The following PCDH7 variants were observed in gnomAD, a reference collection of about 807,000 sequenced individuals.
PCDH7 encodes protocadherin 7.
A neutral mutation model predicts 58.9 loss-of-function variants in PCDH7; 17 were observed. That is an observed-to-expected ratio of 0.29 (90% CI 0.20 to 0.43). PCDH7 has a LOEUF of 0.43. Ranked by LOEUF, PCDH7 falls within the 20% of genes least tolerant of loss-of-function variation. The pLI is 1.00. For missense variants in PCDH7, 1,274 were observed against 1,441.0 expected, an observed-to-expected ratio of 0.88 and a Z score of 1.88; for synonymous variants, 664 against 616.4, an observed-to-expected ratio of 1.08 and a Z score of -1.14.
chr4:30,900,055 A>G (rs1740015253), intron 1 of PCDH7, among the ~76,000 whole-genome samples: 1 of 152,188 alleles, frequency 6.6e-6, no homozygotes, highest in Non-Finnish European at 1.5e-5. Context: ...GTTTGGCTAA[A>G]GGACTTCTGA....
At position 30,723,941 on chromosome 4, in the gene PCDH7, A is replaced by G; in HGVS notation, c.2519A>G (p.Asn840Ser). The G allele has an allele frequency of 1.2e-6, 2 of 1,614,168 alleles. No homozygotes were observed. The highest frequency in any genetic ancestry group is 8.5e-7 in the Non-Finnish European group (1 of 1,180,036). Reference sequence around the variant, plus strand: ...ACGACTCTGGTGCACGTGTTTGTCAATGAAAGTGTTTCTAATGCAACTGCG... The same window carrying G: ...ACGACTCTGGTGCACGTGTTTGTCAGTGAAAGTGTTTCTAATGCAACTGCG... The change falls in exon 1 of 2, where the codon AAT becomes AGT. Residue 840 changes from asparagine to serine, a missense_variant. By Grantham distance (46) the Asn-to-Ser change is conservative (BLOSUM62 1). Transcript: ENST00000361762. This position sits in a 1 kb window ranked among gnomAD's most constrained non-coding sequence, Gnocchi z 4.6.
chr4:31,000,743 A>G (rs1006521814), intron 3 of PCDH7, among the ~76,000 whole-genome samples: 1 of 152,130 alleles, frequency 6.6e-6, no homozygotes, highest in Non-Finnish European at 1.5e-5. Flanking sequence ...AAGGACAGAA[A>G]AAGAAACAAC....
rs558478455 is a variant in PCDH7, at chr4:31,100,061, T to C, written c.*8-42412T>C. 2.4e-4 allele frequency among the ~76,000 whole-genome samples: 37 copies of C among 152,196 alleles called. No homozygotes were observed. The East Asian group carries it at 7.0e-3, about 29-fold the overall frequency. On this transcript the variant is annotated intron_variant, in intron 3 of 3. Transcript: ENST00000509759. ...TGAGTATGGCTCTCACTCTTTCACT[T>C]TGCCATGGATGTGTTACATAAAAAC...
chr4:30,736,540 T>A (rs199614672), downstream of PCDH7, among the ~76,000 whole-genome samples: 19,290 of 146,062 alleles, frequency 0.13, 1,672 homozygotes, highest in East Asian at 0.36. Flanking sequence ...CATTTATTTT[T>A]TTTTTTTTTT....
intron 1 of PCDH7, among the ~76,000 whole-genome samples, chr4:30,726,922 TG>T (rs1209749204): frequency 1.3e-5 from 2 of 151,990 alleles, no homozygotes; most frequent in African/African-American, 4.8e-5. Context: ...TTCTGCTTTT[TG>T]TTTGTGCCAT....
chr4:30,999,568 A>G lies in PCDH7; in HGVS notation c.*7+49353A>G, dbSNP rs527502117. 4.5e-4 allele frequency among the ~76,000 whole-genome samples: 69 copies of G among 152,260 alleles called. 1 individual carries two copies. The highest frequency in any genetic ancestry group is 1.6e-3 in the African/African-American group (66 of 41,576). On this transcript the variant is annotated intron_variant, in intron 3 of 3. Transcript: ENST00000509759. ...AGTTTCCTGGAGAAGATTATTCGGCAATATATCTAAAAATAGTTACTAAGG... is the reference window on the plus strand; with the variant it reads ...AGTTTCCTGGAGAAGATTATTCGGCGATATATCTAAAAATAGTTACTAAGG...
chr4:31,089,331 A>C (rs902252688), intron 3 of PCDH7, among the ~76,000 whole-genome samples: 15 of 152,268 alleles, frequency 9.9e-5, no homozygotes, highest in African/African-American at 3.4e-4. Flanking sequence ...CAGAAAAAAC[A>C]CATATGCCTT....
At chr4:30,876,607 T>A (rs1736321316) in intron 1 of PCDH7, among the ~76,000 whole-genome samples, 1 of 152,044 alleles carries the variant, frequency 6.6e-6, no homozygotes, top group Non-Finnish European at 1.5e-5. Context: ...AGTTTAAAAA[T>A]ACTTTAGACC....
chr4:31,111,311 T>C (rs1716281163), intron 3 of PCDH7, among the ~76,000 whole-genome samples: 1 of 151,734 alleles, frequency 6.6e-6, no homozygotes, highest in African/African-American at 2.4e-5. Flanking sequence ...ACAATTTTTT[T>C]TTTTTTTTTT....
chr4:30,794,447 T>A (rs751547810), intron 1 of PCDH7, among the ~76,000 whole-genome samples: 18 of 152,204 alleles, frequency 1.2e-4, no homozygotes, highest in Admixed American at 5.2e-4. Context: ...TTTCCCCTCT[T>A]AAAAATTGTT....
intron 1 of PCDH7, among the ~76,000 whole-genome samples, chr4:30,894,508 TATATATATACACACACACACAC>T (rs1739092954): frequency 2.0e-5 from 1 of 49,128 alleles, no homozygotes; most frequent in African/African-American, 1.2e-4. Flanking sequence ...TATATATATA[TATATATATACACACACACACAC>T]ACACACACAC....
At chr4:30,849,584 T>G (rs1732447476) in intron 1 of PCDH7, among the ~76,000 whole-genome samples, 1 of 152,164 alleles carries the variant, frequency 6.6e-6, no homozygotes, top group Non-Finnish European at 1.5e-5. Flanking sequence ...TACTCCAGAG[T>G]AATGAGCTAT....
At chr4:30,793,246 T>C (rs1577828685) in intron 1 of PCDH7, among the ~76,000 whole-genome samples, 1 of 152,200 alleles carries the variant, frequency 6.6e-6, no homozygotes, top group Non-Finnish European at 1.5e-5. Context: ...CTTTTTATCT[T>C]TCAATAGCCC....
At chr4:31,097,015 A>G (rs1468510965) in intron 3 of PCDH7, among the ~76,000 whole-genome samples, 1 of 151,974 alleles carries the variant, frequency 6.6e-6, no homozygotes, top group Non-Finnish European at 1.5e-5. Context: ...ATACACAGAG[A>G]GAAAAAGAGA....
At chr4:31,066,436 A>C (rs1417090944) in intron 3 of PCDH7, among the ~76,000 whole-genome samples, 2 of 151,968 alleles carry the variant, frequency 1.3e-5, no homozygotes, top group African/African-American at 4.8e-5. Flanking sequence ...GCATTCAGAA[A>C]ATTCATAGAA....
chr4:30,935,709 C>A (rs1252082639), intron 2 of PCDH7, among the ~76,000 whole-genome samples: 1 of 152,092 alleles, frequency 6.6e-6, no homozygotes, highest in Non-Finnish European at 1.5e-5. Flanking sequence ...GAGCAGTGAG[C>A]AAAACCTTGT....
chr4:31,114,080 C>T (rs770619739), intron 3 of PCDH7, among the ~76,000 whole-genome samples: 75 of 152,098 alleles, frequency 4.9e-4, no homozygotes, highest in Non-Finnish European at 8.2e-4. Context: ...GTGATCCACC[C>T]GCCTTGGCCT....
At chr4:30,921,030 C>T (rs1003818871) in intron 2 of PCDH7, among the ~76,000 whole-genome samples, 4 of 151,872 alleles carry the variant, frequency 2.6e-5, no homozygotes, top group African/African-American at 9.7e-5. Flanking sequence ...TCATAATTAC[C>T]ACAATTGGCC....
chr4:30,869,277 T>A (rs561373579), intron 1 of PCDH7, among the ~76,000 whole-genome samples: 1 of 146,592 alleles, frequency 6.8e-6, no homozygotes, highest in African/African-American at 2.5e-5. Flanking sequence ...AAAATAATTA[T>A]GTTGATTTAC....
Sources: allele counts gnomAD v4.1 joint callset (sites outside exome capture counted in the v4.1 genomes callset), GRCh38; gene constraint gnomAD v4.1.1; non-coding constraint Gnocchi (gnomAD v3.1); transcripts MANE v1.5; gene names NCBI Gene and HGNC (gene_info 2026-07-23, HGNC 2026-07-21).